Variants in NPEPL1 observed in about 807,000 individuals in gnomAD.
The protein encoded by NPEPL1 is probable aminopeptidase NPEPL1.
Under a neutral mutation model 52.4 loss-of-function variants are expected in NPEPL1, and 45 were observed. The ratio of observed to expected loss-of-function variants is 0.86; its 90% CI spans 0.68 to 1.10. The LOEUF is 1.10. NPEPL1 is among the 50% of genes least tolerant of loss of function. The pLI is 0.00. For synonymous variants in NPEPL1, 360 were observed against 314.7 expected (o/e 1.14, Z -1.52); for missense variants, 696 against 710.9 (o/e 0.98, Z 0.24).
chr20:58,698,313 C>A (rs2084533295), intron 3 of NPEPL1, among the ~76,000 whole-genome samples: 1 of 151,960 alleles, frequency 6.6e-6, no homozygotes, highest in Non-Finnish European at 1.5e-5. Flanking sequence ...AAGCTCAGGG[C>A]ATACTCAGGG....
chr20:58,699,371 G>T (rs990826705), intron 5 of NPEPL1, 93 bp downstream of exon 5: 7 of 916,628 alleles, frequency 7.6e-6, no homozygotes, highest in Admixed American at 4.9e-5. Flanking sequence ...ATGGCACATT[G>T]TCCCAAACTT....
At chr20:58,691,125 C>T (rs1167047562), upstream of NPEPL1, 3 of 703,170 alleles carry the variant, frequency 4.3e-6, no homozygotes, top group East Asian at 8.0e-5. Context: ...GTCTCTCACC[C>T]TCTAGGAAGA....
chr20:58,691,330 G>GGTTTCAA, upstream of NPEPL1: 1 of 582,128 alleles, frequency 1.7e-6, no homozygotes, highest in East Asian at 3.2e-5. Flanking sequence ...GAAAGCTGAG[G>GGTTTCAA]GTTTCAAAGG....
At chr20:58,705,568 G>T (rs771774698) in intron 6 of NPEPL1, 4 of 456,044 alleles carry the variant, frequency 8.8e-6, no homozygotes, top group African/African-American at 6.0e-5. Flanking sequence ...AGCACAGGGG[G>T]TGTAAGTGTC....
At chr20:58,712,913 C>T (rs1435241009) in intron 8 of NPEPL1, 2 of 408,498 alleles carry the variant, frequency 4.9e-6, no homozygotes, top group Non-Finnish European at 4.7e-6. Context: ...ATTCCCTGCT[C>T]GGGGACACCT....
chr20:58,706,770 G>T (rs1242437684), intron 6 of NPEPL1, among the ~76,000 whole-genome samples: 2 of 152,192 alleles, frequency 1.3e-5, no homozygotes, highest in Non-Finnish European at 2.9e-5. Context: ...AAAGCACGGG[G>T]TCCCTGTTTC....
chr20:58,698,555 T>A, intron 3 of NPEPL1, 129 bp from the exon 4 acceptor site: 1 of 779,456 alleles, frequency 1.3e-6, no homozygotes, highest in Admixed American at 2.1e-5. Context: ...CCCTCTCCCC[T>A]CTCTTTGCTG....
chr20:58,709,313 A>G (rs2084792470), intron 7 of NPEPL1, among the ~76,000 whole-genome samples: 1 of 152,174 alleles, frequency 6.6e-6, no homozygotes, highest in Non-Finnish European at 1.5e-5. Flanking sequence ...GAGCCACAGA[A>G]TCAATCCTCA....
intron 3 of NPEPL1, among the ~76,000 whole-genome samples, chr20:58,695,039 G>GC (rs2123084768): frequency 2.1e-5 from 3 of 140,162 alleles, no homozygotes; most frequent in South Asian, 2.4e-4. Flanking sequence ...GGTATGTGTT[G>GC]CTGTGTATGT....
At chr20:58,712,669 G>A in intron 8 of NPEPL1, 90 bp downstream of exon 8, 1 of 958,384 alleles carries the variant, frequency 1.0e-6, no homozygotes, top group Non-Finnish European at 1.7e-6. Flanking sequence ...AGGCATATCG[G>A]GAGGGCACTC....
At chr20:58,693,295 C>T (rs1309331090) in intron 1 of NPEPL1, 6 of 173,370 alleles carry the variant, frequency 3.5e-5, no homozygotes, top group Non-Finnish European at 5.7e-5. Context: ...CCCGCGAGGC[C>T]GCGACACCTG....
At chr20:58,705,418 G>T (rs2084717973) in intron 6 of NPEPL1, 1 of 455,434 alleles carries the variant, frequency 2.2e-6, no homozygotes, top group Non-Finnish European at 4.4e-6. Context: ...TGTACCCAAG[G>T]GTTGAGAGTT....
At chr20:58,691,671 CT>C (rs1267831468), upstream of NPEPL1, 8 of 756,850 alleles carry the variant, frequency 1.1e-5, no homozygotes, top group African/African-American at 4.1e-5. Flanking sequence ...GTTGACAGTG[CT>C]TTTTTTTCTT....
intron 3 of NPEPL1, among the ~76,000 whole-genome samples, chr20:58,695,866 G>C (rs2084478237): frequency 6.6e-6 from 1 of 152,236 alleles, no homozygotes; most frequent in African/African-American, 2.4e-5. Context: ...GTTTTCTAAG[G>C]ACTGCTGGAT....
rs996007377 is a variant in NPEPL1 at position 58,704,161 on chromosome 20, G to C, written c.823-2962G>C. ...CTCACAATCTCTCCCCAACGGCCTG[G>C]TGTGAAACGCAGACGCAACGCAGCA... On this transcript the variant is annotated intron_variant, in intron 6 of 11. Transcript: ENST00000356091. 6.2e-5 allele frequency: 61 copies of C among 985,410 alleles called. No individual in the cohort carries two copies. In the African/African-American group the frequency reaches 6.3e-4, roughly 10 times the overall value. 61.0% of individuals were successfully genotyped at this position (985,410 alleles called of 1,614,324 possible).
intron 3 of NPEPL1, among the ~76,000 whole-genome samples, chr20:58,695,564 CAT>C (rs1334923085): frequency 1.3e-5 from 2 of 152,136 alleles, no homozygotes; most frequent in Non-Finnish European, 2.9e-5. Flanking sequence ...TGTCTTTTCT[CAT>C]GTGTCAGCGC....
chr20:58,707,186 G>A lies in NPEPL1; in HGVS notation c.886G>A (p.Ala296Thr), dbSNP rs980333749. 1 of 1,551,514 alleles carries A rather than the reference G, an allele frequency of 6.4e-7. No homozygotes were observed. Among genetic ancestry groups the A allele is most frequent in the Non-Finnish European group, 8.7e-7 (1 of 1,147,436 alleles). The change falls in exon 7 of 12, where the codon GCC (alanine) becomes ACC (threonine). Residue 296 changes from alanine (A) to threonine (T), a missense_variant. Coordinates refer to ENST00000356091, the MANE Select transcript of NPEPL1 (RefSeq NM_024663.4). ...GAAAVLGAFR[A>T]AIKQGFKDNL... ...TGCGGCCGTCCTGGGGGCCTTCAGA[G>A]CCGCAATCAAGCAGGTGAGTGGGCC...
rs191726082 is a variant in NPEPL1 at position 58,705,788 on chromosome 20, A to T, written c.823-1335A>T. ...TGGTGTACAGTGAGCAGCCGTTTCC[A>T]GGCATTGCTGTGTGACCCATTTTGC... On this transcript the variant is annotated intron_variant, in intron 6 of 11. Transcript: ENST00000356091. Among the ~76,000 whole-genome samples the T allele has an allele frequency of 9.2e-5, 14 of 152,306 alleles. No homozygotes were observed. The East Asian group carries it at 2.7e-3, about 29-fold the overall frequency.
chr20:58,698,179 C>T (rs2084529842), intron 3 of NPEPL1, among the ~76,000 whole-genome samples: 1 of 152,080 alleles, frequency 6.6e-6, no homozygotes, highest in African/African-American at 2.4e-5. Context: ...TAGAGTGCTT[C>T]TGCTTGGTGG....
Sources: allele counts gnomAD v4.1 joint callset (sites outside exome capture counted in the v4.1 genomes callset), GRCh38; gene constraint gnomAD v4.1.1; transcripts MANE v1.5; gene names NCBI Gene and HGNC (gene_info 2026-07-23, HGNC 2026-07-21).